The following SPR variants were observed in gnomAD, a reference collection of about 807,000 sequenced individuals.
SPR encodes sepiapterin reductase, also known as Sepiapterin reductase (L-erythro-7,8-dihydrobiopterin forming).
In SPR, 12 loss-of-function variants were observed where a neutral mutation model predicts 16.0. The observed-to-expected ratio is 0.75, with a 90% CI of 0.48 to 1.22. SPR has a LOEUF of 1.22. Among genes scored for constraint, SPR ranks in the 50% most tolerant of loss-of-function variants. The pLI is 0.00. For missense variants in SPR, 324 were observed against 344.4 expected (o/e 0.94, Z 0.47); for synonymous variants, 177 against 168.5 (o/e 1.05, Z -0.39).
intron 1 of SPR, among the ~76,000 whole-genome samples, chr2:72,888,033 GTCTCCAAACAAGTAAACTCTCTGCT>G (rs1670567905): frequency 6.6e-6 from 1 of 152,222 alleles, no homozygotes; most frequent in African/African-American, 2.4e-5. Context: ...AGGGCTTGGA[GTCTCCAAACAAGTAAACTCTCTGCT>G]TCTCCAAAGG....
At chr2:72,890,647 C>T (rs1670603711) in intron 2 of SPR, among the ~76,000 whole-genome samples, 2 of 152,074 alleles carry the variant, frequency 1.3e-5, no homozygotes, top group South Asian at 4.2e-4. Context: ...GGCCTAGGCT[C>T]AGGCAATTCT....
chr2:72,891,858 G>A lies in SPR; in HGVS notation c.*321G>A, dbSNP rs527829365. ...GAAGCTGGAACACAGAAGAGAGGAG[G>A]TTGTGTCTCTTGCTCATAGCAAGCC... is the stretch of plus-strand genomic sequence containing the variant. On this transcript the variant is annotated 3_prime_UTR_variant, in exon 3 of 3. Transcript: ENST00000234454. The A allele has an allele frequency of 2.5e-5, 10 of 401,754 alleles. No homozygotes were observed. Among genetic ancestry groups the A allele is most frequent in the Admixed American group, 1.1e-4 (3 of 27,878 alleles). The allele number at this position is 401,754 out of a possible 1,614,324, so 24.9% of individuals were successfully genotyped here.
chr2:72,889,521 C>G (rs900653373), intron 2 of SPR, among the ~76,000 whole-genome samples: 2 of 152,304 alleles, frequency 1.3e-5, no homozygotes, highest in Middle Eastern at 3.4e-3. Context: ...ACCTTGCTTT[C>G]AAGTTCTTCC....
At chr2:72,888,277 G>A (rs756992754) in intron 1 of SPR, 37 bp from the exon 2 acceptor site, 4 of 1,610,478 alleles carry the variant, frequency 2.5e-6, no homozygotes, top group South Asian at 2.2e-5. Flanking sequence ...AGAAAGCCCC[G>A]CCTGCACTGA....
rs1007399293 is a variant in SPR at position 72,887,584 on chromosome 2, A to T, written c.152A>T (p.Glu51Val). The T allele has an allele frequency of 7.1e-7, 1 of 1,411,652 alleles. No individual in the cohort carries two copies. The highest frequency in any genetic ancestry group is 9.2e-7 in the Non-Finnish European group (1 of 1,092,596). 87.4% of individuals were successfully genotyped at this position (1,411,652 alleles called of 1,614,324 possible). A position where few individuals can be genotyped will look rare whatever the true frequency, so the allele number is the denominator to read the frequency against. Residue 51 changes from glutamate (E) to valine (V), a missense_variant, in exon 1 of 3, where the codon GAG becomes GTG. Transcript: ENST00000234454. ...AACGACGAGGCACTGCGCCAGCTGG[A>T]GGCCGAGCTGGGCGCCGAGCGGTCT... is the stretch of plus-strand genomic sequence containing the variant. ...ARNDEALRQL[E>V]AELGAERSGL...
chr2:72,887,984 G>A (rs1425687554), intron 1 of SPR, among the ~76,000 whole-genome samples: 1 of 152,200 alleles, frequency 6.6e-6, no homozygotes, highest in East Asian at 1.9e-4. Flanking sequence ...GAACTTTCCC[G>A]AGCCCCTTGC....
intron 2 of SPR, among the ~76,000 whole-genome samples, chr2:72,888,859 T>G (rs1235307776): frequency 6.6e-6 from 1 of 152,116 alleles, no homozygotes; most frequent in Admixed American, 6.5e-5. Context: ...TAGATGGAGT[T>G]TGGGAGAAGA....
At chr2:72,888,212 T>C in intron 1 of SPR, 102 bp from the exon 2 acceptor site, 1 of 1,223,580 alleles carries the variant, frequency 8.2e-7, no homozygotes, top group Non-Finnish European at 1.2e-6. Flanking sequence ...AGCTTCCTCC[T>C]CTAGGTCTGC....
intron 2 of SPR, among the ~76,000 whole-genome samples, chr2:72,888,979 C>G (rs1670582477): frequency 6.6e-6 from 1 of 152,216 alleles, no homozygotes; most frequent in Non-Finnish European, 1.5e-5. Flanking sequence ...ATGACCCTGA[C>G]CTGTGAAGTG....
Position 72,891,674 on chromosome 2 carries a change from AGG to A in SPR, c.*138_*139del. 3.9e-6 allele frequency: 4 copies of A among 1,020,370 alleles called. No individual in the cohort carries two copies. The South Asian group carries it at 5.5e-5, about 14-fold the overall frequency. 63.2% of individuals were successfully genotyped at this position (1,020,370 alleles called of 1,614,324 possible). On this transcript the variant is annotated 3_prime_UTR_variant, in exon 3 of 3. Coordinates refer to ENST00000234454, the MANE Select transcript of SPR (RefSeq NM_003124.5). Reference sequence around the variant, plus strand: ...CATTCATGCCTGCTGCCCTGCCCTCAGGCACAGCCAGCTGTGAGCTCCCAGGT... The same window carrying A: ...CATTCATGCCTGCTGCCCTGCCCTCACACAGCCAGCTGTGAGCTCCCAGGT...
At position 72,891,671 on chromosome 2, in the gene SPR, C is replaced by T. The variant is rs1670624753; in HGVS notation, c.*134C>T. ...AAGCATTCATGCCTGCTGCCCTGCCCTCAGGCACAGCCAGCTGTGAGCTCC... is the reference window on the plus strand; with the variant it reads ...AAGCATTCATGCCTGCTGCCCTGCCTTCAGGCACAGCCAGCTGTGAGCTCC... On this transcript the variant is annotated 3_prime_UTR_variant, in exon 3 of 3. Coordinates refer to ENST00000234454, the MANE Select transcript of SPR (RefSeq NM_003124.5). 6 of 1,060,060 alleles carry T rather than the reference C, an allele frequency of 5.7e-6. No homozygotes were observed. Among genetic ancestry groups the T allele is most frequent in the South Asian group, 2.7e-5 (2 of 73,868 alleles). The allele number at this position is 1,060,060 out of a possible 1,614,324, so 65.7% of individuals were successfully genotyped here.
At chr2:72,890,312 A>C (rs533292704) in intron 2 of SPR, among the ~76,000 whole-genome samples, 6 of 152,158 alleles carry the variant, frequency 3.9e-5, no homozygotes, top group Admixed American at 2.0e-4. Context: ...TGAGCGGAGG[A>C]ATGTTGTGAT....
Position 72,887,588 on chromosome 2 carries a change from C to T in SPR, c.156C>T (p.Ala52=). Residue 52 remains alanine (A), a synonymous_variant, in exon 1 of 3, where the codon GCC becomes GCT. Transcript: ENST00000234454. The stretch of plus-strand genomic sequence containing the variant: ...ACGAGGCACTGCGCCAGCTGGAGGC[C>T]GAGCTGGGCGCCGAGCGGTCTGGCC... ...RNDEALRQLE[A]ELGAERSGLR... is the part of the protein sequence containing the mutation. The T allele has an allele frequency of 7.1e-7, 1 of 1,406,728 alleles. No individual in the cohort carries two copies. The highest frequency in any genetic ancestry group is 9.2e-7 in the Non-Finnish European group (1 of 1,090,370). 87.1% of individuals were successfully genotyped at this position (1,406,728 alleles called of 1,614,324 possible). A position where few individuals can be genotyped will look rare whatever the true frequency, so the allele number is the denominator to read the frequency against.
chr2:72,887,764 C>T (rs762507866), intron 1 of SPR, 28 bp downstream of exon 1: 80 of 1,476,714 alleles, frequency 5.4e-5, no homozygotes, highest in Non-Finnish European at 6.9e-5. Flanking sequence ...GAGCGGACTC[C>T]CCATGTGAGC....
intron 2 of SPR, among the ~76,000 whole-genome samples, chr2:72,890,784 A>G (rs1670608588): frequency 6.6e-6 from 1 of 152,030 alleles, no homozygotes; most frequent in Non-Finnish European, 1.5e-5. Flanking sequence ...CCTGACCTCA[A>G]GTGATCCTCC....
intron 2 of SPR, among the ~76,000 whole-genome samples, chr2:72,890,814 G>T (rs1670609316): frequency 6.6e-6 from 1 of 152,232 alleles, no homozygotes; most frequent in Non-Finnish European, 1.5e-5. Context: ...TTCCCAAAGT[G>T]CTGGGGTTGC....
Position 72,887,604 on chromosome 2 carries a change from C to T in SPR, c.172C>T (p.Arg58Trp). 3 of 1,379,620 alleles carry T rather than the reference C, an allele frequency of 2.2e-6. No homozygotes were observed. The highest frequency in any genetic ancestry group is 3.4e-5 in the South Asian group (2 of 58,230). The allele number at this position is 1,379,620 out of a possible 1,614,324, so 85.5% of individuals were successfully genotyped here. The change falls in exon 1 of 3, where the codon CGG becomes TGG. Residue 58 changes from arginine to tryptophan, a missense_variant. Arg to Trp is a moderately radical substitution (Grantham distance 101, BLOSUM62 -3). Coordinates refer to ENST00000234454, the MANE Select transcript of SPR (RefSeq NM_003124.5). Reference protein sequence around the residue: ...RQLEAELGAERSGLRVVRVPA... With the variant: ...RQLEAELGAEWSGLRVVRVPA... ...GCTGGAGGCCGAGCTGGGCGCCGAG[C>T]GGTCTGGCCTGCGCGTGGTGCGGGT...
At chr2:72,889,875 G>C (rs534564196) in intron 2 of SPR, among the ~76,000 whole-genome samples, 10 of 152,324 alleles carry the variant, frequency 6.6e-5, no homozygotes, top group African/African-American at 2.4e-4. Context: ...TGTTTGGAAA[G>C]GCAGCAAGTC....
Position 72,891,626 on chromosome 2 carries a change from C to A in SPR, c.*89C>A. Reference sequence around the variant, plus strand: ...GGCTCCCCACACCCTGCCATAGGGGCAGTCCTGCCTTACACATAGAAGCAT... The same window carrying A: ...GGCTCCCCACACCCTGCCATAGGGGAAGTCCTGCCTTACACATAGAAGCAT... On this transcript the variant is annotated 3_prime_UTR_variant, in exon 3 of 3. Transcript: ENST00000234454. The A allele has an allele frequency of 6.9e-7, 1 of 1,459,662 alleles. No individual in the cohort carries two copies. Among genetic ancestry groups the A allele is most frequent in the Non-Finnish European group, 9.5e-7 (1 of 1,054,770 alleles). 90.4% of individuals were successfully genotyped at this position (1,459,662 alleles called of 1,614,324 possible).
Sources: allele counts gnomAD v4.1 joint callset (sites outside exome capture counted in the v4.1 genomes callset), GRCh38; gene constraint gnomAD v4.1.1; transcripts MANE v1.5; gene names NCBI Gene and HGNC (gene_info 2026-07-23, HGNC 2026-07-21).